The following GUCY1A2 variants were observed in gnomAD, a reference collection of about 807,000 sequenced individuals.
GUCY1A2 encodes the protein guanylate cyclase 1 soluble subunit alpha 2.
In GUCY1A2, 27 loss-of-function variants were observed where a neutral mutation model predicts 63.5. That is an observed-to-expected ratio of 0.43 (90% CI 0.31 to 0.59). The LOEUF is 0.59. Among genes scored for constraint, GUCY1A2 ranks in the 20% least tolerant of loss-of-function variants. GUCY1A2 has a pLI of 0.11. For synonymous variants in GUCY1A2, 364 were observed against 343.5 expected (o/e 1.06, Z -0.66); for missense variants, 768 against 913.3 (o/e 0.84, Z 2.05).
At chr11:106,742,189 T>C (rs1367369295) in intron 6 of GUCY1A2, among the ~76,000 whole-genome samples, 4 of 152,072 alleles carry the variant, frequency 2.6e-5, no homozygotes, top group African/African-American at 9.7e-5. Context: ...TGAATTTTCT[T>C]TTTTTTTCTT....
intron 6 of GUCY1A2, among the ~76,000 whole-genome samples, chr11:106,764,994 T>TAA (rs5794493): frequency 7.3e-6 from 1 of 137,456 alleles, no homozygotes; most frequent in Non-Finnish European, 1.5e-5. Context: ...GGGGCAGGAA[T>TAA]AAATAGTGCA....
At chr11:106,771,036 GATAAAATTTA>G (rs1398938245) in intron 6 of GUCY1A2, among the ~76,000 whole-genome samples, 2 of 151,804 alleles carry the variant, frequency 1.3e-5, no homozygotes, top group East Asian at 3.9e-4. Context: ...ATGCCTATGA[GATAAAATTTA>G]ATGAAAATAG....
chr11:106,824,686 T>C (rs561857636), intron 4 of GUCY1A2: 48 of 915,204 alleles, frequency 5.2e-5, no homozygotes, highest in Non-Finnish European at 7.1e-5. Context: ...ACTAGACCCC[T>C]GTATACTTAA....
At chr11:106,850,003 C>T (rs1424303165) in intron 4 of GUCY1A2, among the ~76,000 whole-genome samples, 3 of 151,616 alleles carry the variant, frequency 2.0e-5, no homozygotes, top group Admixed American at 1.3e-4. Context: ...GTTTCATCAC[C>T]CCACGAAGAA....
At chr11:106,912,922 C>A (rs1362297069) in intron 4 of GUCY1A2, among the ~76,000 whole-genome samples, 1 of 152,120 alleles carries the variant, frequency 6.6e-6, no homozygotes, top group African/African-American at 2.4e-5. Context: ...AAAACCTATA[C>A]TGATTTCTAC....
intron 1 of GUCY1A2, among the ~76,000 whole-genome samples, chr11:107,003,940 G>A (rs1462261336): frequency 1.3e-5 from 2 of 152,170 alleles, no homozygotes; most frequent in African/African-American, 4.8e-5. Context: ...CTCAATGGAA[G>A]TCTCAGCTGA....
chr11:106,970,933 T>G (rs1861185322), intron 3 of GUCY1A2, among the ~76,000 whole-genome samples: 1 of 152,124 alleles, frequency 6.6e-6, no homozygotes. Context: ...GGATTAATCT[T>G]AAATTCACAT....
rs1356535123 is a variant in GUCY1A2 at position 106,905,237 on chromosome 11, T to C, written c.1206+34223A>G. Among the ~76,000 whole-genome samples the C allele has an allele frequency of 2.0e-5, 3 of 152,174 alleles. No individual in the cohort carries two copies. The East Asian group carries it at 5.8e-4, about 29-fold the overall frequency. On this transcript the variant is annotated intron_variant, in intron 4 of 7. Coordinates refer to ENST00000526355, the MANE Select transcript of GUCY1A2 (RefSeq NM_000855.3). ...TCATTTCTAATAGAAAGCTGACTCA[T>C]AATTCTATCTCCCAGAGCATTAATT...
At chr11:106,845,420 GA>G (rs1281464718) in intron 4 of GUCY1A2, among the ~76,000 whole-genome samples, 1 of 151,518 alleles carries the variant, frequency 6.6e-6, no homozygotes, top group Non-Finnish European at 1.5e-5. Context: ...AAGGAAAGGA[GA>G]CATATCCAAG....
chr11:106,948,514 T>C (rs1463623671), intron 3 of GUCY1A2, among the ~76,000 whole-genome samples: 1 of 152,100 alleles, frequency 6.6e-6, no homozygotes, highest in Admixed American at 6.6e-5. Flanking sequence ...ATAAAGAAAC[T>C]GTTCAAATAT....
intron 4 of GUCY1A2, among the ~76,000 whole-genome samples, chr11:106,892,867 T>A (rs1859993503): frequency 6.6e-6 from 1 of 152,156 alleles, no homozygotes; most frequent in South Asian, 2.1e-4. Context: ...ACAAGAGAAT[T>A]CTTAAAGTCC....
At chr11:106,920,933 G>A (rs1417316070) in intron 4 of GUCY1A2, among the ~76,000 whole-genome samples, 3 of 151,988 alleles carry the variant, frequency 2.0e-5, no homozygotes, top group African/African-American at 7.2e-5. Context: ...AAGCAATGGA[G>A]TCTCTGCTTT....
Position 106,800,242 on chromosome 11 carries a change from G to A in GUCY1A2, c.1692+9751C>T, listed in dbSNP as rs1394083277. ...TCATTAAACAGTCAGGAAACAACAG[G>A]TGCTGGAGAGGATGTGGAGAAATAG... On this transcript the variant is annotated intron_variant, in intron 5 of 7. Transcript: ENST00000526355. Among the ~76,000 whole-genome samples, 8 of 152,240 alleles carry A rather than the reference G, an allele frequency of 5.3e-5. No homozygotes were observed. In the East Asian group the frequency reaches 1.5e-3, roughly 29 times the overall value.
intron 3 of GUCY1A2, among the ~76,000 whole-genome samples, chr11:106,962,948 C>A (rs1274416826): frequency 1.3e-5 from 2 of 151,822 alleles, no homozygotes; most frequent in East Asian, 3.9e-4. Context: ...TAATTTTGAC[C>A]ATGTACAGCT....
At chr11:106,781,112 CA>C (rs565279937) in intron 5 of GUCY1A2, among the ~76,000 whole-genome samples, 1,659 of 88,984 alleles carry the variant, frequency 0.019, 8 homozygotes, top group Admixed American at 0.024. Flanking sequence ...AAACAGACTA[CA>C]AAAAAAAAAA....
intron 1 of GUCY1A2, among the ~76,000 whole-genome samples, chr11:107,010,476 T>C (rs1861728012): frequency 6.6e-6 from 1 of 151,930 alleles, no homozygotes; most frequent in Non-Finnish European, 1.5e-5. Flanking sequence ...ACTCAAAGAG[T>C]CCAAGGAGGA....
rs184029967 is a variant in GUCY1A2 at position 106,932,249 on chromosome 11, A to G, written c.1206+7211T>C. Among the ~76,000 whole-genome samples, 5 of 152,284 alleles carry G rather than the reference A, an allele frequency of 3.3e-5. No homozygotes were observed. In the East Asian group the frequency reaches 9.6e-4, roughly 29 times the overall value. ...TATTTCTTGTTAACAAAAATTAAAT[A>G]TGGCAAAATAAGCACTTTAAGCCTA... On this transcript the variant is annotated intron_variant, in intron 4 of 7. Coordinates refer to ENST00000526355, the MANE Select transcript of GUCY1A2 (RefSeq NM_000855.3).
At position 106,679,997 on chromosome 11, in the gene GUCY1A2, A is replaced by G. The variant is rs1321428003; in HGVS notation, c.*7552T>C. On this transcript the variant is annotated 3_prime_UTR_variant, in exon 8 of 8. Coordinates refer to ENST00000526355, the MANE Select transcript of GUCY1A2 (RefSeq NM_000855.3). ...TCTCTTTTCTTTTTAAAAATGAGTGACCAGTAGTCAAATAAATCATGTGGC... is the reference window on the plus strand; with the variant it reads ...TCTCTTTTCTTTTTAAAAATGAGTGGCCAGTAGTCAAATAAATCATGTGGC... 9.2e-6 allele frequency: 2 copies of G among 216,756 alleles called. No individual in the cohort carries two copies. The highest frequency in any genetic ancestry group is 1.9e-5 in the Non-Finnish European group (2 of 107,642). 13.4% of individuals were successfully genotyped at this position (216,756 alleles called of 1,614,324 possible). A position where few individuals can be genotyped will look rare whatever the true frequency, so the allele number is the denominator to read the frequency against.
At chr11:106,835,689 T>C (rs982657721) in intron 4 of GUCY1A2, among the ~76,000 whole-genome samples, 3 of 151,630 alleles carry the variant, frequency 2.0e-5, no homozygotes, top group African/African-American at 4.8e-5. Flanking sequence ...ACTGACACTA[T>C]ATAGAAGTAA....
Sources: gnomAD v4.1 joint callset for allele counts (sites outside exome capture counted in the v4.1 genomes callset) on GRCh38, gnomAD v4.1.1 for gene constraint, MANE v1.5 for transcripts, NCBI Gene and HGNC (gene_info 2026-07-23, HGNC 2026-07-21) for gene names.